Variants in SPECC1 observed in about 807,000 individuals in gnomAD.
SPECC1 encodes sperm antigen with calponin homology and coiled-coil domains 1.
Under a neutral mutation model 104.1 loss-of-function variants are expected in SPECC1, and 62 were observed. That is an observed-to-expected ratio of 0.60 (90% CI 0.49 to 0.74). SPECC1 has a LOEUF of 0.74. Ranked by LOEUF, SPECC1 falls within the 30% of genes least tolerant of loss-of-function variation. SPECC1 has a pLI of 0.00. For missense variants in SPECC1, 1,306 were observed against 1,310.5 expected, an observed-to-expected ratio of 1.00 and a Z score of 0.05; for synonymous variants, 513 against 501.6, an observed-to-expected ratio of 1.02 and a Z score of -0.30.
chr17:20,296,716 C>G (rs1048065976), intron 12 of SPECC1, among the ~76,000 whole-genome samples: 3 of 152,134 alleles, frequency 2.0e-5, no homozygotes, highest in Non-Finnish European at 4.4e-5. Context: ...GTTTGTAGTT[C>G]TCCTTGAAGA....
chr17:20,073,451 A>C (rs1285545195), intron 1 of SPECC1: 1 of 152,250 alleles, frequency 6.6e-6, no homozygotes, highest in Non-Finnish European at 1.5e-5. Context: ...CACTTTGTGC[A>C]TGTATGCATG....
intron 7 of SPECC1, among the ~76,000 whole-genome samples, chr17:20,243,147 G>A (rs1054574533): frequency 7.9e-5 from 12 of 152,054 alleles, no homozygotes; most frequent in African/African-American, 2.9e-4. Flanking sequence ...TTATTTTCAT[G>A]GTTTATTTGA....
At chr17:20,152,133 T>A (rs141268573) in intron 3 of SPECC1, among the ~76,000 whole-genome samples, 2 of 151,148 alleles carry the variant, frequency 1.3e-5, no homozygotes, top group African/African-American at 4.9e-5. Flanking sequence ...AAACCCCATC[T>A]CTACAAAAAT....
intron 1 of SPECC1, among the ~76,000 whole-genome samples, chr17:20,069,373 A>T (rs929293043): frequency 6.6e-6 from 1 of 152,076 alleles, no homozygotes; most frequent in Non-Finnish European, 1.5e-5. Flanking sequence ...AGTCCACTTT[A>T]TCTAGTTTGT....
intron 12 of SPECC1, among the ~76,000 whole-genome samples, chr17:20,266,221 C>G (rs2040210602): frequency 6.6e-6 from 1 of 152,192 alleles, no homozygotes; most frequent in African/African-American, 2.4e-5. Flanking sequence ...GAATGTTTCT[C>G]CATTTATTTG....
intron 9 of SPECC1, among the ~76,000 whole-genome samples, chr17:20,251,922 C>T (rs1410728567): frequency 6.6e-6 from 1 of 152,146 alleles, no homozygotes; most frequent in East Asian, 1.9e-4. Flanking sequence ...GTGGTGCCAT[C>T]TGTCCCCAGA....
intron 4 of SPECC1, among the ~76,000 whole-genome samples, chr17:20,223,651 C>T (rs958699567): frequency 1.3e-5 from 2 of 150,494 alleles, no homozygotes; most frequent in Non-Finnish European, 2.9e-5. Context: ...CCAGCCTGGG[C>T]GACAGAGCAA....
intron 14 of SPECC1, among the ~76,000 whole-genome samples, chr17:20,306,818 A>G (rs538522314): frequency 1.3e-5 from 2 of 152,372 alleles, no homozygotes; most frequent in East Asian, 1.9e-4. Flanking sequence ...TGATACTACA[A>G]TGGCTGCTAA....
intron 1 of SPECC1, among the ~76,000 whole-genome samples, chr17:20,034,605 CTTTTTTT>C (rs375147469): frequency 2.3e-5 from 3 of 132,402 alleles, no homozygotes; most frequent in Admixed American, 1.5e-4. Flanking sequence ...TCTATTTTTC[CTTTTTTT>C]TTTTTTTTTT....
At chr17:20,055,144 G>A (rs757518874) in intron 1 of SPECC1, among the ~76,000 whole-genome samples, 1 of 152,010 alleles carries the variant, frequency 6.6e-6, no homozygotes, top group African/African-American at 2.4e-5. Context: ...CTATGAATTT[G>A]TCTATTTTTG....
intron 3 of SPECC1, among the ~76,000 whole-genome samples, chr17:20,178,577 G>A (rs2034639571): frequency 6.6e-6 from 1 of 152,160 alleles, no homozygotes; most frequent in South Asian, 2.1e-4. Context: ...TTTAAAGAGT[G>A]ATTACTCCTG....
chr17:20,216,363 T>C (rs368550240), intron 4 of SPECC1, among the ~76,000 whole-genome samples: 3 of 152,140 alleles, frequency 2.0e-5, no homozygotes, highest in Non-Finnish European at 4.4e-5. Flanking sequence ...TCTAATCTAA[T>C]TCTTTGATCC....
At chr17:20,040,081 T>A (rs182782475) in intron 1 of SPECC1, among the ~76,000 whole-genome samples, 69 of 152,276 alleles carry the variant, frequency 4.5e-4, no homozygotes, top group Admixed American at 4.5e-3. Flanking sequence ...TCCATTTCAA[T>A]TTATCTAAAT....
chr17:20,200,548 C>G (rs2036355183), intron 3 of SPECC1, among the ~76,000 whole-genome samples: 1 of 152,160 alleles, frequency 6.6e-6, no homozygotes. Flanking sequence ...TTCCACTGGC[C>G]CTTCTCTCCA....
At chr17:20,203,742 AC>A (rs1335972993) in intron 3 of SPECC1, among the ~76,000 whole-genome samples, 1 of 152,248 alleles carries the variant, frequency 6.6e-6, no homozygotes, top group Non-Finnish European at 1.5e-5. Context: ...TTTGTTGCCA[AC>A]ATTATCAGTG....
chr17:20,048,881 G>GACCC (rs1488498834), intron 1 of SPECC1, among the ~76,000 whole-genome samples: 1 of 151,646 alleles, frequency 6.6e-6, no homozygotes, highest in African/African-American at 2.4e-5. Context: ...GACAGAGTGA[G>GACCC]ACCCTGTCTC....
intron 1 of SPECC1, chr17:20,010,310 C>G (rs556176629): frequency 6.6e-6 from 1 of 152,152 alleles, no homozygotes; most frequent in Non-Finnish European, 1.5e-5. Flanking sequence ...TTACGCCGAG[C>G]TGGTTGGCAG....
intron 3 of SPECC1, among the ~76,000 whole-genome samples, chr17:20,136,932 C>A (rs1471192156): frequency 1.3e-5 from 2 of 152,178 alleles, no homozygotes; most frequent in East Asian, 1.9e-4. Context: ...TTTCCTTGGA[C>A]TTTAGTTTCC....
rs1203629436 is a variant in SPECC1, at chr17:20,191,711, A to G, written c.284-12622A>G. Reference sequence around the variant, plus strand: ...CCCCTCCCTGTGTCCATGTGTTCTCATTGTTCAGCTCCTACTTATGAGAAA... The same window carrying G: ...CCCCTCCCTGTGTCCATGTGTTCTCGTTGTTCAGCTCCTACTTATGAGAAA... On this transcript the variant is annotated intron_variant, in intron 3 of 14. Transcript: ENST00000395527. 5.3e-5 allele frequency among the ~76,000 whole-genome samples: 8 copies of G among 151,418 alleles called. No individual in the cohort carries two copies. The East Asian group carries it at 1.6e-3, about 29-fold the overall frequency.
Sources: gnomAD v4.1 joint callset for allele counts (sites outside exome capture counted in the v4.1 genomes callset) on GRCh38, gnomAD v4.1.1 for gene constraint, MANE v1.5 for transcripts, NCBI Gene and HGNC (gene_info 2026-07-23, HGNC 2026-07-21) for gene names.